The following MPP4 variants were observed in gnomAD, a reference collection of about 807,000 sequenced individuals.
MPP4 encodes the protein MAGUK p55 subfamily member 4.
In MPP4, 91 loss-of-function variants were observed where a neutral mutation model predicts 98.3. That is an observed-to-expected ratio of 0.93 (90% CI 0.78 to 1.10). The LOEUF (loss-of-function observed/expected upper bound fraction) is 1.10, where lower values mean the gene tolerates loss of function less well. MPP4 is among the 50% of genes least tolerant of loss of function. The pLI is 0.00. For synonymous variants in MPP4, 261 were observed against 271.8 expected, an observed-to-expected ratio of 0.96 and a Z score of 0.39; for missense variants, 744 against 792.9, an observed-to-expected ratio of 0.94 and a Z score of 0.74.
intron 4 of MPP4, among the ~76,000 whole-genome samples, chr2:201,688,850 C>G (rs1344905702): frequency 6.6e-6 from 1 of 152,068 alleles, no homozygotes; most frequent in Admixed American, 6.5e-5. Flanking sequence ...CTCCTGGGCT[C>G]AAGTGATCAG....
At chr2:201,672,324 A>G (rs1029641514) in intron 11 of MPP4, among the ~76,000 whole-genome samples, 6 of 152,200 alleles carry the variant, frequency 3.9e-5, no homozygotes, top group Admixed American at 6.5e-5. Context: ...CCCTAACATC[A>G]CAATTAAAAG....
chr2:201,664,136 T>A lies in MPP4; in HGVS notation c.1052-35A>T, dbSNP rs1688099634. ...TTCATGGAGGCAAAAATCAAAAATG[T>A]TATTACATGACCATCTACACTGAGT... is the stretch of plus-strand genomic sequence containing the variant. On this transcript the variant is annotated intron_variant, in intron 13 of 21. Transcript: ENST00000409474. 5 of 1,530,220 alleles carry A rather than the reference T, an allele frequency of 3.3e-6. No homozygotes were observed. In the South Asian group the frequency reaches 6.1e-5, roughly 19 times the overall value. The allele number at this position is 1,530,220 out of a possible 1,614,324, so 94.8% of individuals were successfully genotyped here. A position where few individuals can be genotyped will look rare whatever the true frequency, so the allele number is the denominator to read the frequency against.
chr2:201,681,624 G>A, intron 8 of MPP4, 57 bp from the exon 9 acceptor site: 1 of 1,360,686 alleles, frequency 7.3e-7, no homozygotes, highest in Non-Finnish European at 1.0e-6. Context: ...GGTTACTGGG[G>A]CTCGGTGGAC....
At chr2:201,687,869 T>A (rs1688884778) in intron 4 of MPP4, among the ~76,000 whole-genome samples, 1 of 152,224 alleles carries the variant, frequency 6.6e-6, no homozygotes, top group South Asian at 2.1e-4. Flanking sequence ...TGATTAGCAA[T>A]TTTAATGCTT....
chr2:201,668,380 G>A (rs1028232118), intron 12 of MPP4, among the ~76,000 whole-genome samples: 1 of 152,080 alleles, frequency 6.6e-6, no homozygotes, highest in Non-Finnish European at 1.5e-5. Flanking sequence ...TACTGCTGGG[G>A]CCTTAATTTG....
At chr2:201,658,274 C>G (rs1292169598) in intron 16 of MPP4, among the ~76,000 whole-genome samples, 1 of 151,972 alleles carries the variant, frequency 6.6e-6, no homozygotes, top group Non-Finnish European at 1.5e-5. Context: ...TAATAGATAA[C>G]CCAGTGGAAA....
At position 201,682,863 on chromosome 2, in the gene MPP4, C is replaced by T. The variant is rs747850159; in HGVS notation, c.628G>A (p.Gly210Arg). The T allele has an allele frequency of 3.1e-6, 5 of 1,613,878 alleles. No individual in the cohort carries two copies. Among genetic ancestry groups the T allele is most frequent in the Non-Finnish European group, 3.4e-6 (4 of 1,179,864 alleles). ...LVEVNGVSVE[G>R]LDPEQVIHIL... is the part of the protein sequence containing the mutation. ...TGGATCACTTGTTCAGGGTCCAGTC[C>T]CTCAACTGAAACTCCATTCACTTCT... Residue 210 changes from glycine (G) to arginine (R), a missense_variant, in exon 8 of 22, where the codon GGA becomes AGA. Coordinates refer to ENST00000409474, the MANE Select transcript of MPP4 (RefSeq NM_033066.3).
At chr2:201,680,322 A>G in intron 10 of MPP4, 1 of 152,026 alleles carries the variant, frequency 6.6e-6, no homozygotes, top group Non-Finnish European at 1.5e-5. Context: ...TGGGAAGTCC[A>G]AGATCAAGGA....
At chr2:201,690,002 T>G (rs1431048457) in intron 4 of MPP4, among the ~76,000 whole-genome samples, 200 bp downstream of exon 4, 3 of 151,980 alleles carry the variant, frequency 2.0e-5, no homozygotes, top group Non-Finnish European at 4.4e-5. Flanking sequence ...ATGACGTGGG[T>G]GGTGGTGGGG....
chr2:201,651,988 G>C (rs1220209003), intron 18 of MPP4: 19 of 963,146 alleles, frequency 2.0e-5, no homozygotes, highest in Non-Finnish European at 2.3e-5. Flanking sequence ...AAAAAAGAAA[G>C]AAAAGGAAAA....
intron 11 of MPP4, 95 bp downstream of exon 11, chr2:201,675,112 T>C (rs1193736267): frequency 7.7e-7 from 1 of 1,301,040 alleles, no homozygotes; most frequent in Non-Finnish European, 1.1e-6. Flanking sequence ...CCATGTGGCA[T>C]GGCCAGCCTC....
chr2:201,662,180 T>C (rs1046299580), intron 14 of MPP4: 3 of 211,284 alleles, frequency 1.4e-5, no homozygotes, highest in African/African-American at 7.1e-5. Context: ...TAAAAATCAA[T>C]ACAATGCTCC....
chr2:201,696,511 G>A (rs565140569), intron 1 of MPP4, among the ~76,000 whole-genome samples: 37 of 152,190 alleles, frequency 2.4e-4, no homozygotes, highest in Non-Finnish European at 4.6e-4. Flanking sequence ...TGGCAAAGCA[G>A]TGCAGATTAA....
chr2:201,696,626 G>T (rs1278037827), intron 1 of MPP4, among the ~76,000 whole-genome samples: 1 of 152,198 alleles, frequency 6.6e-6, no homozygotes, highest in Non-Finnish European at 1.5e-5. Flanking sequence ...GCAGTTGGGG[G>T]CACACACTAG....
intron 13 of MPP4, chr2:201,665,148 C>T (rs923184778): frequency 1.7e-4 from 25 of 150,112 alleles, no homozygotes; most frequent in African/African-American, 5.7e-4. Context: ...TCACTGCAAG[C>T]TCTGCCTCCC....
In MPP4 at chr2:201,650,308, C is replaced by A. The variant is rs1687680807; in HGVS notation, c.1382-143G>T. The A allele has an allele frequency of 4.3e-6, 6 of 1,409,440 alleles. No individual in the cohort carries two copies. In the Admixed American group the frequency reaches 1.2e-4, roughly 29 times the overall value. 87.3% of individuals were successfully genotyped at this position (1,409,440 alleles called of 1,614,324 possible). A position where few individuals can be genotyped will look rare whatever the true frequency, so the allele number is the denominator to read the frequency against. Reference sequence around the variant, plus strand: ...AAATGCTAGAACTAAAAAGAAGAAGCCTGAATTGGTGATAAGTTCTCGTAT... The same window carrying A: ...AAATGCTAGAACTAAAAAGAAGAAGACTGAATTGGTGATAAGTTCTCGTAT... On this transcript the variant is annotated intron_variant, in intron 18 of 21. Transcript: ENST00000409474.
intron 18 of MPP4, chr2:201,651,414 T>A: frequency 1.0e-6 from 1 of 985,434 alleles, no homozygotes; most frequent in Non-Finnish European, 1.2e-6. Context: ...CAGGTGATAG[T>A]GAATTATGTC....
chr2:201,664,897 G>T (rs913660969), intron 13 of MPP4, among the ~76,000 whole-genome samples: 1 of 151,928 alleles, frequency 6.6e-6, no homozygotes, highest in Admixed American at 6.6e-5. Flanking sequence ...ATAAAACAAG[G>T]CTCTTTATGT....
chr2:201,675,297 C>CA lies in MPP4; in HGVS notation c.930-27dup, dbSNP rs754763011. The CA allele has an allele frequency of 3.8e-6, 6 of 1,572,846 alleles. No homozygotes were observed. The Admixed American group carries it at 5.3e-5, about 14-fold the overall frequency. ...CTATGGGGGGGAAAAAACCATGCGA[C>CA]AAAAAACAAACAAAAACCACTCTTT... On this transcript the variant is annotated intron_variant, in intron 10 of 21. Transcript: ENST00000409474.
Sources: gnomAD v4.1 joint callset for allele counts (sites outside exome capture counted in the v4.1 genomes callset) on GRCh38, gnomAD v4.1.1 for gene constraint, MANE v1.5 for transcripts, NCBI Gene and HGNC (gene_info 2026-07-23, HGNC 2026-07-21) for gene names.